The following COQ9 variants were observed in gnomAD, a reference collection of about 807,000 sequenced individuals.
COQ9 encodes coenzyme Q9.
COQ9 carries 35 observed loss-of-function variants against 42.4 expected under a neutral mutation model. The ratio of observed to expected loss-of-function variants is 0.83; its 90% CI spans 0.63 to 1.10. COQ9 has a LOEUF of 1.10. COQ9 is among the 50% of genes least tolerant of loss of function. The pLI, the probability that COQ9 is intolerant of heterozygous loss-of-function variation, is 0.00. For synonymous variants in COQ9, 155 were observed against 155.1 expected, an observed-to-expected ratio of 1.00 and a Z score of 0.00; for missense variants, 406 against 414.6, an observed-to-expected ratio of 0.98 and a Z score of 0.18.
chr16:57,457,452 C>T (rs2030431950), intron 5 of COQ9: 1 of 315,908 alleles, frequency 3.2e-6, no homozygotes, highest in Non-Finnish European at 6.1e-6. Flanking sequence ...ATATTCGTTG[C>T]AAGGGGTTTT....
intron 1 of COQ9, 44 bp from the exon 2 acceptor site, chr16:57,450,996 G>T (rs1331485416): frequency 6.2e-7 from 1 of 1,609,478 alleles, no homozygotes. Flanking sequence ...GTCTGAAAGG[G>T]TCTTCTCTGT....
rs1045546440 is a variant in COQ9 at position 57,453,392 on chromosome 16, C to T, written c.378+456C>T. On this transcript the variant is annotated intron_variant, in intron 3 of 8. Transcript: ENST00000262507. Reference sequence around the variant, plus strand: ...TTTGAAAACCCCCAAGAAGGCACCACTTTGGAGACCAACACATCTTATTTT... The same window carrying T: ...TTTGAAAACCCCCAAGAAGGCACCATTTTGGAGACCAACACATCTTATTTT... 1.8e-5 allele frequency: 5 copies of T among 272,808 alleles called. No individual in the cohort carries two copies. The Admixed American group carries it at 2.5e-4, about 14-fold the overall frequency. 16.9% of individuals were successfully genotyped at this position (272,808 alleles called of 1,614,324 possible).
chr16:57,450,425 A>G (rs1598035793), intron 1 of COQ9, among the ~76,000 whole-genome samples: 2 of 151,932 alleles, frequency 1.3e-5, no homozygotes, highest in Admixed American at 1.3e-4. Flanking sequence ...AAAAAAAAAA[A>G]AAAAAGAAAA....
rs1331338390 is a variant in COQ9, at chr16:57,447,496, C to T, written c.-10C>T. On this transcript the variant is annotated 5_prime_UTR_variant, in exon 1 of 9. Transcript: ENST00000262507. ...GTCGCGTCGCCGTGGGCGACGTGCC[C>T]GCTTCCAAAATGGCGGCGGCGGCGG... 10 of 1,298,318 alleles carry T rather than the reference C, an allele frequency of 7.7e-6. No individual in the cohort carries two copies. The highest frequency in any genetic ancestry group is 3.0e-6 in the Non-Finnish European group (3 of 1,016,072). 80.4% of individuals were successfully genotyped at this position (1,298,318 alleles called of 1,614,324 possible).
chr16:57,455,623 A>G (rs1170711707), intron 3 of COQ9, among the ~76,000 whole-genome samples: 2 of 151,988 alleles, frequency 1.3e-5, no homozygotes, highest in African/African-American at 4.8e-5. Context: ...TGGGGCAACA[A>G]CCGTTTGGGT....
intron 7 of COQ9, 135 bp downstream of exon 7, chr16:57,459,855 C>A (rs2030490444): frequency 7.9e-6 from 9 of 1,140,202 alleles, no homozygotes; most frequent in Non-Finnish European, 1.2e-5. Context: ...CTGGTTCTTC[C>A]TCAGGCCAGC....
chr16:57,452,380 G>A (rs1439153541), intron 2 of COQ9, among the ~76,000 whole-genome samples: 5 of 152,348 alleles, frequency 3.3e-5, no homozygotes, highest in East Asian at 1.9e-4. Flanking sequence ...GGTGGCTCGC[G>A]CCTATAATCC....
intron 3 of COQ9, 128 bp downstream of exon 3, chr16:57,453,064 G>A: frequency 7.9e-7 from 1 of 1,272,174 alleles, no homozygotes; most frequent in African/African-American, 1.5e-5. Flanking sequence ...AAGATTGACT[G>A]GTTTTTTTCC....
In COQ9 at chr16:57,460,694, T is replaced by C. The variant is rs2030516494; in HGVS notation, c.*70T>C. On this transcript the variant is annotated 3_prime_UTR_variant, in exon 9 of 9. Coordinates refer to ENST00000262507, the MANE Select transcript of COQ9 (RefSeq NM_020312.4). ...CAGATTGAAAGAGCTTTGAAAAGTA[T>C]AAGGTGCCATCCACATAACCTGGTG... 2.1e-6 allele frequency: 3 copies of C among 1,445,004 alleles called. No individual in the cohort carries two copies. The highest frequency in any genetic ancestry group is 2.3e-5 in the East Asian group (1 of 43,894). 89.5% of individuals were successfully genotyped at this position (1,445,004 alleles called of 1,614,324 possible). A position where few individuals can be genotyped will look rare whatever the true frequency, so the allele number is the denominator to read the frequency against.
At chr16:57,458,164 C>A in intron 5 of COQ9, 82 bp from the exon 6 acceptor site, 2 of 1,028,398 alleles carry the variant, frequency 1.9e-6, no homozygotes, top group Non-Finnish European at 3.0e-6. Flanking sequence ...CCCCCTCATA[C>A]ACCTCTTGGA....
At position 57,458,302 on chromosome 16, in the gene COQ9, C is replaced by G; in HGVS notation, c.663C>G (p.Thr221=). 1 of 1,613,104 alleles carries G rather than the reference C, an allele frequency of 6.2e-7. No homozygotes were observed. Among genetic ancestry groups the G allele is most frequent in the African/African-American group, 1.3e-5 (1 of 75,032 alleles). Residue 221 remains threonine (T), a synonymous_variant, in exon 6 of 9, where the codon ACC becomes ACG. Transcript: ENST00000262507. ...HNIPSSLSLL[T]SMVDDMWHYA... ...TCCCGTCCAGCCTGAGCCTGCTCAC[C>G]AGCATGGTGGATGACATGTGGCATT...
At chr16:57,452,701 C>A (rs686402) in intron 2 of COQ9, 100 bp from the exon 3 acceptor site, 1 of 1,336,750 alleles carries the variant, frequency 7.5e-7, no homozygotes, top group Non-Finnish European at 1.1e-6. Context: ...AATGTCTTCC[C>A]AGCATGTGCT....
intron 1 of COQ9, 125 bp from the exon 2 acceptor site, chr16:57,450,915 C>G: frequency 9.3e-7 from 1 of 1,073,542 alleles, no homozygotes; most frequent in Admixed American, 2.0e-5. Flanking sequence ...TGGGACCCAA[C>G]ACTTGGATAA....
intron 3 of COQ9, among the ~76,000 whole-genome samples, chr16:57,456,086 G>A (rs2030396063): frequency 6.6e-6 from 1 of 152,076 alleles, no homozygotes; most frequent in African/African-American, 2.4e-5. Flanking sequence ...AGAAACAAGA[G>A]TGAGGGTGAA....
intron 2 of COQ9, among the ~76,000 whole-genome samples, chr16:57,452,117 C>T (rs1238229517): frequency 6.6e-6 from 1 of 152,090 alleles, no homozygotes; most frequent in Non-Finnish European, 1.5e-5. Context: ...TTTTGAGGCC[C>T]TACTATCATG....
intron 1 of COQ9, among the ~76,000 whole-genome samples, chr16:57,449,868 A>G (rs1338083732): frequency 2.6e-5 from 4 of 152,188 alleles, no homozygotes; most frequent in African/African-American, 9.6e-5. Context: ...GCAAGTGTAT[A>G]CATTTGTCAA....
intron 5 of COQ9, among the ~76,000 whole-genome samples, chr16:57,457,966 A>G (rs2030443648): frequency 6.6e-6 from 1 of 152,206 alleles, no homozygotes; most frequent in Non-Finnish European, 1.5e-5. Flanking sequence ...ATCCTTGCTT[A>G]GACCAGTCTA....
At chr16:57,454,404 C>G (rs1211739361) in intron 3 of COQ9, 2 of 152,198 alleles carry the variant, frequency 1.3e-5, no homozygotes, top group African/African-American at 4.8e-5. Flanking sequence ...GCCTATAATC[C>G]CAGCACTTTG....
At chr16:57,456,356 G>C (rs1359582569) in intron 3 of COQ9, 148 bp from the exon 4 acceptor site, 1 of 824,982 alleles carries the variant, frequency 1.2e-6, no homozygotes, top group Non-Finnish European at 2.0e-6. Flanking sequence ...TGGAGGGACC[G>C]GTGGTGGTCA....
Sources: gnomAD v4.1 joint callset for allele counts (sites outside exome capture counted in the v4.1 genomes callset) on GRCh38, gnomAD v4.1.1 for gene constraint, MANE v1.5 for transcripts, NCBI Gene and HGNC (gene_info 2026-07-23, HGNC 2026-07-21) for gene names.